GOPC: variants seen among roughly 807,000 people sequenced by gnomAD.
GOPC encodes Golgi-associated PDZ and coiled-coil motif-containing protein.
Under a neutral mutation model 51.2 loss-of-function variants are expected in GOPC, and 32 were observed. That is an observed-to-expected ratio of 0.63 (90% CI 0.47 to 0.84). The LOEUF is 0.84. Among genes scored for constraint, GOPC ranks in the 40% least tolerant of loss-of-function variants. The pLI is 0.00. For synonymous variants in GOPC, 190 were observed against 205.1 expected (o/e 0.93, Z 0.63); for missense variants, 441 against 555.5 (o/e 0.79, Z 2.07).
chr6:117,566,880 G>A lies in GOPC; in HGVS notation c.1232C>T (p.Thr411Ile). 3 of 1,587,034 alleles carry A rather than the reference G, an allele frequency of 1.9e-6. No individual in the cohort carries two copies. Among genetic ancestry groups the A allele is most frequent in the South Asian group, 2.4e-5 (2 of 84,902 alleles). Residue 411 changes from threonine (T) to isoleucine (I), a missense_variant, in exon 8 of 9, where the codon ACA (threonine) becomes ATA (isoleucine). Coordinates refer to ENST00000368498, the MANE Select transcript of GOPC (RefSeq NM_020399.4). ...GGNPGASCKD[T>I]SGEIKVLQGF... is the part of the protein sequence containing the mutation. Reference sequence around the variant, plus strand: ...TTGTAATACTTTGATTTCCCCACTTGTGTCTTTGCAACTAGCACCAGGGTT... The same window carrying A: ...TTGTAATACTTTGATTTCCCCACTTATGTCTTTGCAACTAGCACCAGGGTT...
chr6:117,588,534 C>T (rs1177116082), intron 1 of GOPC, among the ~76,000 whole-genome samples: 2 of 152,044 alleles, frequency 1.3e-5, no homozygotes, highest in East Asian at 3.9e-4. Context: ...CCTCAGCCTC[C>T]CAAAGTGCAA....
At chr6:117,583,262 C>G (rs957024197) in intron 1 of GOPC, among the ~76,000 whole-genome samples, 3 of 152,230 alleles carry the variant, frequency 2.0e-5, no homozygotes, top group Admixed American at 1.3e-4. Context: ...GCTGAGTAAA[C>G]AGGGCACCCC....
chr6:117,587,315 A>G lies in GOPC; in HGVS notation c.286-8251T>C, dbSNP rs566955742. On this transcript the variant is annotated intron_variant, in intron 1 of 8. Transcript: ENST00000368498. ...TCTGAGAGACGCACTTTTTATCCAG[A>G]TATGACAACTGAAGTACATAGAGGT... Among the ~76,000 whole-genome samples the G allele has an allele frequency of 1.9e-3, 284 of 152,284 alleles. 3 individuals are homozygous for G. Among genetic ancestry groups the G allele is most frequent in the African/African-American group, 6.7e-3 (277 of 41,566 alleles).
intron 2 of GOPC, among the ~76,000 whole-genome samples, chr6:117,578,128 A>G (rs1197783525): frequency 6.6e-6 from 1 of 152,058 alleles, no homozygotes; most frequent in Non-Finnish European, 1.5e-5. Context: ...AATGCTTACA[A>G]TATATTAAGA....
rs192606301 is a variant in GOPC at position 117,589,411 on chromosome 6, C to A, written c.286-10347G>T. On this transcript the variant is annotated intron_variant, in intron 1 of 8. Transcript: ENST00000368498. ...CTCGGCTCACTGCAACCTCCACCTC[C>A]CGGGTTCAAGTGATTCTCCTGCCTC... Among the ~76,000 whole-genome samples, 509 of 152,328 alleles carry A rather than the reference C, an allele frequency of 3.3e-3. 4 individuals carry two copies. The highest frequency in any genetic ancestry group is 0.012 in the African/African-American group (487 of 41,582).
rs754533147 is a variant in GOPC at position 117,575,337 on chromosome 6, C to T, written c.490G>A (p.Ala164Thr). 2.6e-5 allele frequency: 41 copies of T among 1,606,698 alleles called. No individual in the cohort carries two copies. In the East Asian group the frequency reaches 8.9e-4, roughly 35 times the overall value. ...TCTTTCATTTTTTCTTTTTTGTTTG[C>T]CTCAAGCTCTCTTTCCTATGTAATT... ...SVEELERELE[A>T]NKKEKMKEAQ... Residue 164 changes from alanine to threonine, a missense_variant, in exon 4 of 9, where the codon GCA (alanine) becomes ACA (threonine). Physicochemically the swap from Ala to Thr is moderately conservative, Grantham distance 58. This residue lies in a region of GOPC where 204 missense variants were observed against 219.8 expected (regional missense o/e 0.93). Coordinates refer to ENST00000368498, the MANE Select transcript of GOPC (RefSeq NM_020399.4).
chr6:117,574,600 G>A (rs1191956383), intron 4 of GOPC, among the ~76,000 whole-genome samples: 1 of 152,128 alleles, frequency 6.6e-6, no homozygotes, highest in Non-Finnish European at 1.5e-5. Flanking sequence ...GAAAAGTGCT[G>A]CTCTACAGAG....
intron 8 of GOPC, among the ~76,000 whole-genome samples, chr6:117,566,257 G>C (rs1779694457): frequency 6.6e-6 from 1 of 152,114 alleles, no homozygotes; most frequent in African/African-American, 2.4e-5. Flanking sequence ...ATTATGAAAA[G>C]CTTTGACCTC....
intron 1 of GOPC, among the ~76,000 whole-genome samples, chr6:117,598,228 G>T (rs1275260234): frequency 6.6e-6 from 1 of 150,588 alleles, no homozygotes; most frequent in Non-Finnish European, 1.5e-5. Context: ...AGAAAAATTA[G>T]CTGAGTATAG....
In GOPC at chr6:117,570,443, T is replaced by C. The variant is rs148130414; in HGVS notation, c.912+417A>G. 3.6e-3 allele frequency among the ~76,000 whole-genome samples: 550 copies of C among 151,940 alleles called. 3 individuals carry two copies. Among genetic ancestry groups the C allele is most frequent in the African/African-American group, 0.013 (538 of 41,454 alleles). On this transcript the variant is annotated intron_variant, in intron 6 of 8. Coordinates refer to ENST00000368498, the MANE Select transcript of GOPC (RefSeq NM_020399.4). The stretch of plus-strand genomic sequence containing the variant: ...AAGGCATCGAATTTAAAAAAAAGAA[T>C]ATATAACATTTGGACCCAAGAGCCA...
intron 1 of GOPC, among the ~76,000 whole-genome samples, chr6:117,597,161 C>G (rs1051326034): frequency 2.0e-5 from 3 of 151,978 alleles, no homozygotes; most frequent in Non-Finnish European, 2.9e-5. Context: ...ATAAAAGTGG[C>G]TGATTCTTGA....
chr6:117,575,528 T>C (rs764854364), intron 3 of GOPC, 176 bp from the exon 4 acceptor site: 18 of 762,642 alleles, frequency 2.4e-5, no homozygotes, highest in Non-Finnish European at 4.1e-5. Context: ...TTGGAACTAC[T>C]TCTAGATAAA....
chr6:117,602,469 G>A lies in GOPC; in HGVS notation c.-181C>T, dbSNP rs972587089. 9 of 628,546 alleles carry A rather than the reference G, an allele frequency of 1.4e-5. No individual in the cohort carries two copies. The African/African-American group carries it at 1.7e-4, about 12-fold the overall frequency. 38.9% of individuals were successfully genotyped at this position (628,546 alleles called of 1,614,324 possible). The stretch of plus-strand genomic sequence containing the variant: ...CCGCAGGAGTAACGAGGCTGAAGCT[G>A]AGGCGGCAACGGCGGCGACACACGG... On this transcript the variant is annotated 5_prime_UTR_variant, in exon 1 of 9. Transcript: ENST00000368498.
intron 1 of GOPC, among the ~76,000 whole-genome samples, chr6:117,601,016 T>C (rs910320328): frequency 9.2e-5 from 14 of 152,230 alleles, no homozygotes; most frequent in African/African-American, 3.4e-4. Flanking sequence ...GATATAGATA[T>C]AATGGGCACT....
At chr6:117,569,242 T>C (rs1341281017) in intron 7 of GOPC, among the ~76,000 whole-genome samples, 1 of 152,220 alleles carries the variant, frequency 6.6e-6, no homozygotes, top group Non-Finnish European at 1.5e-5. Context: ...AAGGATGTTG[T>C]TTTTTCAGTC....
chr6:117,591,957 A>C (rs1234086873), intron 1 of GOPC, among the ~76,000 whole-genome samples: 1 of 152,244 alleles, frequency 6.6e-6, no homozygotes, highest in African/African-American at 2.4e-5. Flanking sequence ...TAAGGACCTT[A>C]ATTATGCAAA....
rs967579857 is a variant in GOPC, at chr6:117,562,225, C to A, written c.*1029G>T. 11 of 208,018 alleles carry A rather than the reference C, an allele frequency of 5.3e-5. No homozygotes were observed. In the South Asian group the frequency reaches 2.1e-3, roughly 39 times the overall value. 12.9% of individuals were successfully genotyped at this position (208,018 alleles called of 1,614,324 possible). ...AACTGACATGAAAACCCAACCAAAA[C>A]AATTACTGTATCAAAATGTCTTTAT... is the stretch of plus-strand genomic sequence containing the variant. On this transcript the variant is annotated 3_prime_UTR_variant, in exon 9 of 9. Coordinates refer to ENST00000368498, the MANE Select transcript of GOPC (RefSeq NM_020399.4).
chr6:117,589,413 G>A (rs1036705075), intron 1 of GOPC, among the ~76,000 whole-genome samples: 5 of 152,202 alleles, frequency 3.3e-5, no homozygotes, highest in South Asian at 2.1e-4. Context: ...TCCACCTCCC[G>A]GGTTCAAGTG....
At position 117,566,946 on chromosome 6, in the gene GOPC, T is replaced by C. The variant is rs368666653; in HGVS notation, c.1166A>G (p.His389Arg). The C allele has an allele frequency of 4.8e-5, 77 of 1,612,190 alleles. No homozygotes were observed. The highest frequency in any genetic ancestry group is 6.2e-5 in the Non-Finnish European group (73 of 1,179,134). ...CTCATCAAGGTACAAACGGTAACGA[T>C]GTCCACTCTCATCTTCATACTCTAC... ...ENVEYEDESG[H>R]RYRLYLDELE... The change falls in exon 8 of 9, where the codon CAT (histidine) becomes CGT (arginine). Residue 389 changes from histidine to arginine, a missense_variant. Coordinates refer to ENST00000368498, the MANE Select transcript of GOPC (RefSeq NM_020399.4).
Sources: allele counts gnomAD v4.1 joint callset (sites outside exome capture counted in the v4.1 genomes callset), GRCh38; gene constraint gnomAD v4.1.1; regional missense constraint gnomAD v4.1.1; transcripts MANE v1.5; gene names NCBI Gene and HGNC (gene_info 2026-07-23, HGNC 2026-07-21).